Variants in EXOC4 observed in about 807,000 individuals in gnomAD.
EXOC4 encodes the protein exocyst complex component 4, also known as SEC8-like 1.
Under a neutral mutation model 107.2 loss-of-function variants are expected in EXOC4, and 71 were observed. The ratio of observed to expected loss-of-function variants is 0.66; its 90% CI spans 0.55 to 0.81. The LOEUF is 0.81. Ranked by LOEUF, EXOC4 falls within the 30% of genes least tolerant of loss-of-function variation. EXOC4 has a pLI of 0.00. For missense variants in EXOC4, 1,108 were observed against 1,189.6 expected (o/e 0.93, Z 1.01); for synonymous variants, 456 against 441.2 (o/e 1.03, Z -0.42).
intron 7 of EXOC4, among the ~76,000 whole-genome samples, chr7:133,381,002 C>CT (rs1274653483): frequency 1.3e-5 from 2 of 152,098 alleles, no homozygotes; most frequent in African/African-American, 4.8e-5. Context: ...CTGCCCTTAT[C>CT]TTTTTTCTTA....
intron 11 of EXOC4, among the ~76,000 whole-genome samples, chr7:133,865,797 A>G (rs1017449090): frequency 2.0e-5 from 3 of 152,190 alleles, no homozygotes; most frequent in Non-Finnish European, 2.9e-5. Flanking sequence ...TATCACGAGA[A>G]CATCAAGGGG....
At chr7:133,724,140 A>T (rs1236156592) in intron 10 of EXOC4, among the ~76,000 whole-genome samples, 2 of 152,242 alleles carry the variant, frequency 1.3e-5, no homozygotes, top group East Asian at 3.8e-4. Flanking sequence ...CTAGGCTGTC[A>T]GACTAATCAA....
At chr7:133,682,070 T>G (rs1794199575) in intron 10 of EXOC4, among the ~76,000 whole-genome samples, 1 of 152,048 alleles carries the variant, frequency 6.6e-6, no homozygotes, top group Non-Finnish European at 1.5e-5. Context: ...CCAGCTATTT[T>G]TTCTTTTTTA....
intron 9 of EXOC4, among the ~76,000 whole-genome samples, chr7:133,582,973 T>C (rs1289411153): frequency 2.0e-5 from 3 of 152,182 alleles, no homozygotes; most frequent in Non-Finnish European, 2.9e-5. Context: ...ACGTATTCTT[T>C]AGTGTTGTTT....
At chr7:133,724,647 AT>A (rs1393786345) in intron 10 of EXOC4, among the ~76,000 whole-genome samples, 6 of 152,210 alleles carry the variant, frequency 3.9e-5, no homozygotes, top group Admixed American at 3.9e-4. Context: ...ATAATAGATC[AT>A]TTGGTGACAA....
intron 10 of EXOC4, among the ~76,000 whole-genome samples, chr7:133,778,944 A>G (rs1451908610): frequency 1.3e-5 from 2 of 152,226 alleles, no homozygotes; most frequent in South Asian, 2.1e-4. Flanking sequence ...CATTCCTTTA[A>G]TAGATACGAT....
chr7:133,917,774 G>A (rs746145874), intron 13 of EXOC4, 36 bp downstream of exon 13: 11 of 1,590,302 alleles, frequency 6.9e-6, no homozygotes, highest in Non-Finnish European at 9.4e-6. Flanking sequence ...CCTAAACATA[G>A]GGAGGAAGCA....
intron 10 of EXOC4, among the ~76,000 whole-genome samples, chr7:133,743,656 C>CG (rs921298721): frequency 4.1e-4 from 12 of 29,412 alleles, no homozygotes; most frequent in African/African-American, 9.5e-4. Flanking sequence ...TTAGTCAAAA[C>CG]CCCCCCATGG....
chr7:133,288,235 G>A (rs561811386), intron 2 of EXOC4, among the ~76,000 whole-genome samples: 46 of 152,262 alleles, frequency 3.0e-4, no homozygotes, highest in Middle Eastern at 3.4e-3. Flanking sequence ...ATGCATCACA[G>A]CTACCTCCTC....
At chr7:134,046,751 T>C (rs1795663710) in intron 17 of EXOC4, among the ~76,000 whole-genome samples, 1 of 152,116 alleles carries the variant, frequency 6.6e-6, no homozygotes, top group African/African-American at 2.4e-5. Context: ...ACCCAGGGAC[T>C]CCCATGCCTT....
At chr7:133,826,340 C>T (rs1213216685) in intron 11 of EXOC4, among the ~76,000 whole-genome samples, 1 of 152,036 alleles carries the variant, frequency 6.6e-6, no homozygotes, top group Non-Finnish European at 1.5e-5. Flanking sequence ...TTCTTCATAG[C>T]CATCTTTGAA....
At chr7:133,688,153 TTATAGGGGTC>T (rs1209403589) in intron 10 of EXOC4, among the ~76,000 whole-genome samples, 1 of 152,174 alleles carries the variant, frequency 6.6e-6, no homozygotes, top group Non-Finnish European at 1.5e-5. Flanking sequence ...TTGTGTAATT[TTATAGGGGTC>T]TTCACCAAAG....
At chr7:133,431,976 G>A (rs1797865990) in intron 7 of EXOC4, among the ~76,000 whole-genome samples, 1 of 151,942 alleles carries the variant, frequency 6.6e-6, no homozygotes, top group Non-Finnish European at 1.5e-5. Flanking sequence ...CCCCCTTTTT[G>A]TAACTTTTGA....
In EXOC4 at chr7:134,030,698, C is replaced by T. The variant is rs868755254; in HGVS notation, c.2687+22863C>T. Among the ~76,000 whole-genome samples, 76 of 144,150 alleles carry T rather than the reference C, an allele frequency of 5.3e-4. No individual in the cohort carries two copies. The Middle Eastern group carries it at 0.025, about 48-fold the overall frequency. 94.6% of individuals were successfully genotyped at this position (144,150 alleles called of 152,430 possible). ...CCTCTGCCCCCCCAGCTCACCCCCC[C>T]GCCCCGAGTAGAGAGCAGTCCTGCA... On this transcript the variant is annotated intron_variant, in intron 17 of 17. Coordinates refer to ENST00000253861, the MANE Select transcript of EXOC4 (RefSeq NM_021807.4).
intron 9 of EXOC4, among the ~76,000 whole-genome samples, chr7:133,556,780 T>C (rs1800699229): frequency 6.6e-6 from 1 of 151,588 alleles, no homozygotes; most frequent in African/African-American, 2.4e-5. Flanking sequence ...GCTGAAGGAG[T>C]GGGAGAGTTC....
At chr7:133,331,596 G>A (rs1795394463) in intron 5 of EXOC4, among the ~76,000 whole-genome samples, 1 of 151,682 alleles carries the variant, frequency 6.6e-6, no homozygotes, top group Non-Finnish European at 1.5e-5. Context: ...CTCCCCAGTA[G>A]CTGGGACTAC....
At chr7:134,030,614 G>T (rs1795246296) in intron 17 of EXOC4, among the ~76,000 whole-genome samples, 1 of 152,082 alleles carries the variant, frequency 6.6e-6, no homozygotes, top group Admixed American at 6.5e-5. Context: ...CAGATTTAAT[G>T]ACAAAGGCTT....
chr7:133,605,770 A>G (rs1239423152), intron 9 of EXOC4, among the ~76,000 whole-genome samples: 1 of 152,100 alleles, frequency 6.6e-6, no homozygotes. Flanking sequence ...TGAGTTGAGG[A>G]GTCATTAGCA....
intron 9 of EXOC4, among the ~76,000 whole-genome samples, chr7:133,562,034 G>GA (rs1440823658): frequency 6.6e-6 from 1 of 152,216 alleles, no homozygotes; most frequent in East Asian, 1.9e-4. Flanking sequence ...TTTGCAACCA[G>GA]AAATATGCCA....
Sources: gnomAD v4.1 joint callset for allele counts (sites outside exome capture counted in the v4.1 genomes callset) on GRCh38, gnomAD v4.1.1 for gene constraint, MANE v1.5 for transcripts, NCBI Gene and HGNC (gene_info 2026-07-23, HGNC 2026-07-21) for gene names.